AFG1L: variants seen among roughly 807,000 people sequenced by gnomAD.
The protein encoded by AFG1L is AFG1 like ATPase, also known as AFG1-like ATPase.
AFG1L carries 53 observed loss-of-function variants against 62.2 expected under a neutral mutation model. The observed-to-expected ratio is 0.85, with a 90% CI of 0.68 to 1.07. The LOEUF is 1.07. Ranked by LOEUF, AFG1L falls within the 50% of genes least tolerant of loss-of-function variation. AFG1L has a pLI of 0.00. For missense variants in AFG1L, 555 were observed against 590.5 expected (o/e 0.94, Z 0.62); for synonymous variants, 228 against 210.3 (o/e 1.08, Z -0.73).
At chr6:108,498,398 T>C (rs1462913333) in intron 10 of AFG1L, among the ~76,000 whole-genome samples, 1 of 152,214 alleles carries the variant, frequency 6.6e-6, no homozygotes, top group Non-Finnish European at 1.5e-5. Flanking sequence ...CATAATTTAG[T>C]TCTAGAGAAT....
At chr6:108,512,522 T>C (rs1774695018) in intron 11 of AFG1L, among the ~76,000 whole-genome samples, 1 of 151,960 alleles carries the variant, frequency 6.6e-6, no homozygotes, top group Non-Finnish European at 1.5e-5. Flanking sequence ...GGCAGGGGCC[T>C]GGAGGCTGCT....
chr6:108,297,852 C>T (rs1169927745), intron 1 of AFG1L, among the ~76,000 whole-genome samples: 3 of 133,726 alleles, frequency 2.2e-5, no homozygotes, highest in Admixed American at 7.7e-5. Context: ...GAGTGAGAAC[C>T]TGTCTCAAAA....
At chr6:108,397,508 C>T (rs544239875) in intron 6 of AFG1L, among the ~76,000 whole-genome samples, 30 of 152,090 alleles carry the variant, frequency 2.0e-4, no homozygotes, top group Admixed American at 1.4e-3. Context: ...CCGCCCACCT[C>T]GGCCTCCCAA....
chr6:108,390,979 A>G (rs1430166167), intron 6 of AFG1L, among the ~76,000 whole-genome samples: 2 of 152,194 alleles, frequency 1.3e-5, no homozygotes, highest in Non-Finnish European at 2.9e-5. Context: ...GCCATCTTGG[A>G]ACCCCCATCA....
intron 2 of AFG1L, among the ~76,000 whole-genome samples, chr6:108,338,033 A>G (rs912241165): frequency 6.6e-6 from 1 of 152,126 alleles, no homozygotes; most frequent in Non-Finnish European, 1.5e-5. Context: ...AAAAAATGTA[A>G]AAATTAGCTG....
chr6:108,313,113 T>C (rs1777473853), intron 1 of AFG1L, among the ~76,000 whole-genome samples: 1 of 152,154 alleles, frequency 6.6e-6, no homozygotes, highest in Non-Finnish European at 1.5e-5. Flanking sequence ...GATCACATGC[T>C]CAGTCCACCA....
intron 8 of AFG1L, among the ~76,000 whole-genome samples, chr6:108,472,810 C>CT (rs527868653): frequency 0.1 from 13,103 of 129,330 alleles, 697 homozygotes; most frequent in South Asian, 0.29. Context: ...CTTTTCTTTT[C>CT]TTTTTTTTTT....
intron 1 of AFG1L, among the ~76,000 whole-genome samples, chr6:108,301,608 C>G (rs1251607271): frequency 6.6e-6 from 1 of 152,158 alleles, no homozygotes; most frequent in African/African-American, 2.4e-5. Context: ...AATAACTGTT[C>G]AGTTTAAAAG....
At chr6:108,503,743 C>G (rs1774293366) in intron 10 of AFG1L, among the ~76,000 whole-genome samples, 1 of 152,240 alleles carries the variant, frequency 6.6e-6, no homozygotes, top group African/African-American at 2.4e-5. Context: ...TGACTTCCCT[C>G]TAGCTATGAA....
intron 7 of AFG1L, among the ~76,000 whole-genome samples, chr6:108,433,891 C>T (rs1168925027): frequency 6.6e-6 from 1 of 152,186 alleles, no homozygotes; most frequent in Non-Finnish European, 1.5e-5. Flanking sequence ...CTGTGCCCGG[C>T]CACATACATT....
intron 10 of AFG1L, among the ~76,000 whole-genome samples, chr6:108,484,337 GA>G (rs1215402468): frequency 6.6e-6 from 1 of 152,220 alleles, no homozygotes; most frequent in African/African-American, 2.4e-5. Flanking sequence ...AGGGAGGACA[GA>G]AATGAGATTG....
intron 12 of AFG1L, chr6:108,521,016 T>C (rs912156274): frequency 2.0e-5 from 3 of 152,250 alleles, no homozygotes; most frequent in African/African-American, 4.8e-5. Context: ...CATCACCTTA[T>C]GGGTTAGGAT....
intron 2 of AFG1L, among the ~76,000 whole-genome samples, chr6:108,341,422 T>C (rs1047596800): frequency 2.6e-5 from 4 of 152,196 alleles, no homozygotes; most frequent in Non-Finnish European, 5.9e-5. Flanking sequence ...ATTACAGGTC[T>C]GAGTATAAAC....
At chr6:108,500,171 CGTGTGTGTGTGTGT>C (rs61654685) in intron 10 of AFG1L, among the ~76,000 whole-genome samples, 4 of 135,138 alleles carry the variant, frequency 3.0e-5, no homozygotes, top group East Asian at 2.2e-4. Context: ...ATGGTGCGTG[CGTGTGTGTGTGTGT>C]GTGTGTGTGT....
intron 10 of AFG1L, among the ~76,000 whole-genome samples, chr6:108,501,544 C>A (rs907824618): frequency 6.6e-6 from 1 of 152,188 alleles, no homozygotes; most frequent in African/African-American, 2.4e-5. Context: ...CCAATGCAGG[C>A]TGACAAGGAA....
intron 7 of AFG1L, among the ~76,000 whole-genome samples, chr6:108,429,641 C>G (rs1312710977): frequency 1.3e-5 from 2 of 152,106 alleles, no homozygotes; most frequent in Admixed American, 1.3e-4. Flanking sequence ...TGTGTATCTA[C>G]TTTTATACCA....
At chr6:108,508,555 CT>C (rs1350553284) in intron 10 of AFG1L, among the ~76,000 whole-genome samples, 1 of 152,162 alleles carries the variant, frequency 6.6e-6, no homozygotes, top group Non-Finnish European at 1.5e-5. Context: ...TCTTGGTGCT[CT>C]TTGTCTCTGG....
In AFG1L at chr6:108,519,776, G is replaced by C; in HGVS notation, c.1283G>C (p.Ser428Thr). The change falls in exon 12 of 13, where the codon AGC becomes ACC. Residue 428 changes from serine (S) to threonine (T), a missense_variant. Transcript: ENST00000368977. Reference protein sequence around the residue: ...HQHHDSELEQSRILMDDLGLS... With the variant: ...HQHHDSELEQTRILMDDLGLS... ...CATCATGACAGTGAGTTGGAGCAAA[G>C]CAGAATACTGATGGATGATTTGGGG... 1 of 1,613,078 alleles carries C rather than the reference G, an allele frequency of 6.2e-7. No individual in the cohort carries two copies. The highest frequency in any genetic ancestry group is 8.5e-7 in the Non-Finnish European group (1 of 1,179,480).
intron 8 of AFG1L, among the ~76,000 whole-genome samples, chr6:108,447,845 A>C (rs1361049089): frequency 6.6e-6 from 1 of 152,220 alleles, no homozygotes; most frequent in African/African-American, 2.4e-5. Context: ...TTAATACTGA[A>C]AAACAAATAT....
Sources: gnomAD v4.1 joint callset for allele counts (sites outside exome capture counted in the v4.1 genomes callset) on GRCh38, gnomAD v4.1.1 for gene constraint, MANE v1.5 for transcripts, NCBI Gene and HGNC (gene_info 2026-07-23, HGNC 2026-07-21) for gene names.